Variants in GAPVD1 observed in about 807,000 individuals in gnomAD.
GAPVD1 encodes the protein GTPase activating protein and VPS9 domains 1, also known as GTPase-activating protein and VPS9 domain-containing protein 1.
In GAPVD1, 35 loss-of-function variants were observed where a neutral mutation model predicts 155.5. The ratio of observed to expected loss-of-function variants is 0.23; its 90% confidence interval spans 0.17 to 0.30. The LOEUF (loss-of-function observed/expected upper bound fraction) is 0.30, where lower values mean the gene tolerates loss of function less well. Ranked by LOEUF, GAPVD1 falls within the 10% of genes least tolerant of loss-of-function variation. The probability of loss-of-function intolerance (pLI) is 1.00; values close to 1 mark genes in which losing one functional copy is unlikely to be tolerated. For synonymous variants in GAPVD1, 636 were observed against 619.7 expected (o/e 1.03, Z -0.39); for missense variants, 1,429 against 1,775.7 (o/e 0.80, Z 3.51).
At chr9:125,346,093 T>C (rs1040062737) in intron 19 of GAPVD1, 1 of 152,256 alleles carries the variant, frequency 6.6e-6, no homozygotes, top group African/African-American at 2.4e-5. Flanking sequence ...TCCAGGATAA[T>C]ATTTTTGATG....
chr9:125,355,262 C>A (rs1033528380), intron 24 of GAPVD1, among the ~76,000 whole-genome samples: 1 of 152,020 alleles, frequency 6.6e-6, no homozygotes, highest in Non-Finnish European at 1.5e-5. Context: ...CGTGCCACCA[C>A]GCCCAGCTAA....
intron 17 of GAPVD1, among the ~76,000 whole-genome samples, chr9:125,339,403 C>T (rs948210009): frequency 6.6e-6 from 1 of 152,234 alleles, no homozygotes; most frequent in Non-Finnish European, 1.5e-5. Flanking sequence ...TCTTTTGATG[C>T]ACTGCTACTA....
intron 27 of GAPVD1, among the ~76,000 whole-genome samples, chr9:125,361,269 G>A (rs559099658): frequency 2.6e-5 from 4 of 152,226 alleles, no homozygotes; most frequent in African/African-American, 9.6e-5. Context: ...GTTGGGCGCG[G>A]TGGCTCACGC....
At chr9:125,334,263 T>C (rs1213776006) in intron 15 of GAPVD1, among the ~76,000 whole-genome samples, 9 of 132,414 alleles carry the variant, frequency 6.8e-5, no homozygotes, top group African/African-American at 8.7e-5. Context: ...TATTCTTCAC[T>C]CACAGTTAAA....
Position 125,355,676 on chromosome 9 carries a change from A to G in GAPVD1, c.3790A>G (p.Thr1264Ala). ...GAAACTCACCGCAGCTGACGATAAA[A>G]CTGCTCAGGTAGAAGATTTTCTGCA... is the stretch of plus-strand genomic sequence containing the variant. Reference protein sequence around the residue: ...FQKLTAADDKTAQVEDFLQFL... With the variant: ...FQKLTAADDKAAQVEDFLQFL... The change falls in exon 25 of 28, where the codon ACT becomes GCT. Residue 1264 changes from threonine (T) to alanine (A), a missense_variant. By Grantham distance (58) the Thr-to-Ala change is moderately conservative (BLOSUM62 0). Around this residue, in one of 4 missense-constraint regions of GAPVD1, gnomAD observed 699 missense variants for 826.0 expected, o/e 0.85. Transcript: ENST00000297933. 1 of 1,613,550 alleles carries G rather than the reference A, an allele frequency of 6.2e-7. No individual in the cohort carries two copies. Among genetic ancestry groups the G allele is most frequent in the Non-Finnish European group, 8.5e-7 (1 of 1,179,568 alleles).
intron 15 of GAPVD1, among the ~76,000 whole-genome samples, chr9:125,335,794 A>G (rs1846837377): frequency 6.6e-6 from 1 of 152,200 alleles, no homozygotes; most frequent in Non-Finnish European, 1.5e-5. Context: ...GTTTTCTAAT[A>G]TAGAATATCA....
rs572197699 is a variant in GAPVD1 at position 125,366,167 on chromosome 9, C to T, written c.*3421C>T. ...TTTTCTATTCCTATGTCCTGGAAGC[C>T]TTTGTTTAAAGTGGGCTTTACAAAT... On this transcript the variant is annotated 3_prime_UTR_variant, in exon 28 of 28. Coordinates refer to ENST00000297933, the MANE Select transcript of GAPVD1 (RefSeq NM_001282680.3). The T allele has an allele frequency of 8.5e-5, 13 of 152,262 alleles. No individual in the cohort carries two copies. The highest frequency in any genetic ancestry group is 2.6e-4 in the African/African-American group (11 of 41,540). 9.4% of individuals were successfully genotyped at this position (152,262 alleles called of 1,614,324 possible).
intron 20 of GAPVD1, among the ~76,000 whole-genome samples, chr9:125,348,975 C>T (rs1044931741): frequency 2.6e-5 from 4 of 152,260 alleles, no homozygotes; most frequent in African/African-American, 4.8e-5. Flanking sequence ...CATTGGCCAA[C>T]CAAGAAATTT....
chr9:125,324,892 A>G (rs1844894271), intron 11 of GAPVD1, among the ~76,000 whole-genome samples: 1 of 152,132 alleles, frequency 6.6e-6, no homozygotes, highest in Admixed American at 6.6e-5. Flanking sequence ...TGCCTTAGGA[A>G]GATTAAGTTG....
chr9:125,280,050 G>A lies in GAPVD1; in HGVS notation c.-150+11066G>A, dbSNP rs138378593. Among the ~76,000 whole-genome samples the A allele has an allele frequency of 5.8e-3, 878 of 150,790 alleles. 13 individuals are homozygous for A. Among genetic ancestry groups the A allele is most frequent in the African/African-American group, 0.02 (818 of 41,178 alleles). On this transcript the variant is annotated intron_variant, in intron 2 of 27. Transcript: ENST00000297933. ...AGTGCTGGGATTACAGGCGTGAGCC[G>A]CTGCGCTGGCCAAAACATAGTTATT... is the stretch of plus-strand genomic sequence containing the variant.
At position 125,307,855 on chromosome 9, in the gene GAPVD1, A is replaced by C. The variant is rs754238965; in HGVS notation, c.1416A>C (p.Ala472=). The change falls in exon 8 of 28, where the codon GCA becomes GCC. Residue 472 remains alanine, a synonymous_variant. Coordinates refer to ENST00000297933, the MANE Select transcript of GAPVD1 (RefSeq NM_001282680.3). ...AGCTATCTCCAGCAACCACTCCAGC[A>C]AATAAAAAGAATCGATTACCTATAG... The part of the protein sequence containing the change: ...TPQLSPATTP[A]NKKNRLPIAT... The C allele has an allele frequency of 4.3e-6, 7 of 1,611,404 alleles. No homozygotes were observed. Among genetic ancestry groups the C allele is most frequent in the Non-Finnish European group, 5.9e-6 (7 of 1,177,500 alleles).
At chr9:125,271,373 T>G (rs1296807705) in intron 2 of GAPVD1, among the ~76,000 whole-genome samples, 1 of 152,098 alleles carries the variant, frequency 6.6e-6, no homozygotes, top group Non-Finnish European at 1.5e-5. Flanking sequence ...TTATTTATTT[T>G]CTGTGAATCT....
In GAPVD1 at chr9:125,301,886, A is replaced by G. The variant is rs966217699; in HGVS notation, c.186-97A>G. The G allele has an allele frequency of 1.1e-5, 11 of 1,007,468 alleles. No individual in the cohort carries two copies. In the African/African-American group the frequency reaches 1.2e-4, roughly 11 times the overall value. The allele number at this position is 1,007,468 out of a possible 1,614,324, so 62.4% of individuals were successfully genotyped here. On this transcript the variant is annotated intron_variant, in intron 4 of 27. Transcript: ENST00000297933. ...TCAGAGTGACCTCATTGTTGGGACCATAATCAACTCACATATCCATGTTTG... is the reference window on the plus strand; with the variant it reads ...TCAGAGTGACCTCATTGTTGGGACCGTAATCAACTCACATATCCATGTTTG...
intron 15 of GAPVD1, among the ~76,000 whole-genome samples, chr9:125,336,081 G>A (rs576657084): frequency 1.7e-4 from 26 of 150,796 alleles, no homozygotes; most frequent in Non-Finnish European, 2.7e-4. Context: ...AGAGATTGAG[G>A]CTGCAGTGAG....
In GAPVD1 at chr9:125,342,914, G is replaced by A. The variant is rs2841337; in HGVS notation, c.3046+615G>A. Among the ~76,000 whole-genome samples, 638 of 152,210 alleles carry A rather than the reference G, an allele frequency of 4.2e-3. 6 individuals carry two copies. Among genetic ancestry groups the A allele is most frequent in the African/African-American group, 0.015 (616 of 41,516 alleles). ...CTGACCCAAGGAAAATACAGCTGGGGGTTGGGTTTTTACCTGATTAAGCGT... is the reference window on the plus strand; with the variant it reads ...CTGACCCAAGGAAAATACAGCTGGGAGTTGGGTTTTTACCTGATTAAGCGT... On this transcript the variant is annotated intron_variant, in intron 19 of 27. Transcript: ENST00000297933.
chr9:125,285,464 T>TG (rs1195166776), intron 2 of GAPVD1, among the ~76,000 whole-genome samples: 2 of 146,156 alleles, frequency 1.4e-5, no homozygotes, highest in Admixed American at 6.8e-5. Flanking sequence ...TTTTTTTTTT[T>TG]TTTTTTTTTT....
Position 125,351,129 on chromosome 9 carries a change from G to A in GAPVD1, c.3569+257G>A, listed in dbSNP as rs368721899. 3.2e-4 allele frequency among the ~76,000 whole-genome samples: 48 copies of A among 152,342 alleles called. 1 individual carries two copies. In the East Asian group the frequency reaches 6.6e-3, roughly 21 times the overall value. On this transcript the variant is annotated intron_variant, in intron 23 of 27. Transcript: ENST00000297933. ...AGGCCTCACAATCATGGCGGAAGGT[G>A]AAAGGCACATCTCACATGGCAGCAG...
intron 5 of GAPVD1, among the ~76,000 whole-genome samples, chr9:125,304,610 A>T (rs532535086): frequency 6.6e-6 from 1 of 152,296 alleles, no homozygotes; most frequent in Admixed American, 6.5e-5. Flanking sequence ...AAACCAGCTT[A>T]TGTTAGGAAT....
chr9:125,330,134 G>T lies in GAPVD1; in HGVS notation c.2089G>T (p.Val697Leu). Reference protein sequence around the residue: ...SLLCLPGSGSVLLDPCTGSTI... With the variant: ...SLLCLPGSGSLLLDPCTGSTI... ...GCTGTGCCTCCCAGGTTCAGGGTCA[G>T]TGCTTCTTGACCCCTGCACTGGTTC... Residue 697 changes from valine to leucine, a missense_variant, in exon 13 of 28, where the codon GTG becomes TTG. Physicochemically the swap from Val to Leu is conservative, Grantham distance 32. Around this residue, in one of 4 missense-constraint regions of GAPVD1, gnomAD observed 699 missense variants for 826.0 expected, o/e 0.85. Transcript: ENST00000297933. The T allele has an allele frequency of 6.2e-7, 1 of 1,609,658 alleles. No individual in the cohort carries two copies. The highest frequency in any genetic ancestry group is 8.5e-7 in the Non-Finnish European group (1 of 1,176,060).
Sources: gnomAD v4.1 joint callset for allele counts (sites outside exome capture counted in the v4.1 genomes callset) on GRCh38, gnomAD v4.1.1 for gene constraint, gnomAD v4.1.1 regional missense constraint, MANE v1.5 for transcripts, NCBI Gene and HGNC (gene_info 2026-07-23, HGNC 2026-07-21) for gene names.